Variants in GTPBP6 observed in about 807,000 individuals in gnomAD.
GTPBP6 encodes the protein putative GTP-binding protein 6.
GTPBP6 carries 33 observed loss-of-function variants against 28.9 expected under a neutral mutation model. The ratio of observed to expected loss-of-function variants is 1.14; its 90% CI spans 0.87 to 1.53. GTPBP6 has a LOEUF of 1.53. GTPBP6 is among the 40% of genes most tolerant of loss of function. The pLI is 0.00. For synonymous variants in GTPBP6, 231 were observed against 192.7 expected, an observed-to-expected ratio of 1.20 and a Z score of -1.65; for missense variants, 507 against 408.3, an observed-to-expected ratio of 1.24 and a Z score of -2.08.
In GTPBP6 at chrX:316,264, C is replaced by CAG. The variant is rs2070438005; in HGVS notation, c.487+648_487+649dup. Among the ~76,000 whole-genome samples the CAG allele has an allele frequency of 3.2e-5, 2 of 63,216 alleles. 1 individual carries two copies. The highest frequency in any genetic ancestry group is 7.0e-5 in the Non-Finnish European group (2 of 28,604). The allele number at this position is 63,216 out of a possible 152,430, so 41.5% of individuals were successfully genotyped here. On this transcript the variant is annotated intron_variant, in intron 2 of 9. Transcript: ENST00000326153. ...ACACATACACACGCAGACACACACACAGACACACACACAGTAAATACATCC... is the reference window on the plus strand; with the variant it reads ...ACACATACACACGCAGACACACACACAGAGACACACACACAGTAAATACATCC...
At chrX:316,660 C>G (rs1223229876) in intron 2 of GTPBP6, among the ~76,000 whole-genome samples, 109 of 152,266 alleles carry the variant, frequency 7.2e-4, no homozygotes, top group African/African-American at 2.5e-3. Context: ...TTGTTGGACT[C>G]TATAAACTGC....
chrX:312,514 G>C (rs1278584711), intron 6 of GTPBP6: 3 of 687,540 alleles, frequency 4.4e-6, no homozygotes, highest in Admixed American at 2.0e-5. Context: ...GGGAGGATGG[G>C]GTAGATGACA....
chrX:311,667 G>A, intron 6 of GTPBP6, 40 bp from the exon 7 acceptor site: 1 of 1,495,646 alleles, frequency 6.7e-7, no homozygotes, highest in Non-Finnish European at 9.3e-7. Flanking sequence ...AGAGATCCCT[G>A]CGTCCCAACT....
rs1189008298 is a variant in GTPBP6, at chrX:311,683, C to T, written c.917-56G>A. ...GAGATCCCTGCGTCCCAACTCCTAG[C>T]GCCGCAGCCAGGCCCTCCAAATGGA... On this transcript the variant is annotated intron_variant, in intron 6 of 9. Transcript: ENST00000326153. 43 of 1,405,990 alleles carry T rather than the reference C, an allele frequency of 3.1e-5. 1 individual carries two copies. The highest frequency in any genetic ancestry group is 2.5e-4 in the Middle Eastern group (1 of 4,074). The allele number at this position is 1,405,990 out of a possible 1,614,324, so 87.1% of individuals were successfully genotyped here.
In GTPBP6 at chrX:307,712, G is replaced by C. The variant is rs762165711; in HGVS notation, c.1274+20C>G. 7.5e-6 allele frequency: 11 copies of C among 1,463,772 alleles called. No individual in the cohort carries two copies. The highest frequency in any genetic ancestry group is 1.4e-5 in the South Asian group (1 of 69,888). The allele number at this position is 1,463,772 out of a possible 1,614,324, so 90.7% of individuals were successfully genotyped here. On this transcript the variant is annotated intron_variant, in intron 8 of 9. Transcript: ENST00000326153. Reference sequence around the variant, plus strand: ...CGTGCAGGGGAAGGAGACGCTTGCGGACCCCAGGGCCGGACTCACCCGGGC... The same window carrying C: ...CGTGCAGGGGAAGGAGACGCTTGCGCACCCCAGGGCCGGACTCACCCGGGC...
At chrX:312,608 C>T (rs1159458827) in intron 6 of GTPBP6, 158 bp downstream of exon 6, 9 of 780,132 alleles carry the variant, frequency 1.2e-5, no homozygotes, top group East Asian at 5.3e-5. Context: ...TGGTGTACCC[C>T]ACACGGCGAC....
chrX:314,473 C>G (rs866084910), intron 4 of GTPBP6, among the ~76,000 whole-genome samples: 6 of 150,078 alleles, frequency 4.0e-5, no homozygotes, highest in Non-Finnish European at 8.9e-5. Context: ...CGGTGCTTTT[C>G]TTCTTTTTTT....
intron 7 of GTPBP6, among the ~76,000 whole-genome samples, chrX:310,792 G>A: frequency 6.6e-6 from 1 of 151,946 alleles, no homozygotes; most frequent in Non-Finnish European, 1.5e-5. Flanking sequence ...GCTGGTTCCT[G>A]TGGTTTCTGG....
At chrX:314,343 C>T (rs978419271) in intron 4 of GTPBP6, 126 bp from the exon 5 acceptor site, 20 of 785,154 alleles carry the variant, frequency 2.5e-5, no homozygotes, top group African/African-American at 1.2e-4. Context: ...GCTGTTGCGG[C>T]CCCGCTCCGC....
At chrX:313,809 C>A (rs2070365643) in intron 5 of GTPBP6, among the ~76,000 whole-genome samples, 1 of 152,134 alleles carries the variant, frequency 6.6e-6, no homozygotes, top group Non-Finnish European at 1.5e-5. Flanking sequence ...GGAGCGCAGC[C>A]CTGTCCTCAC....
chrX:318,756 C>G (rs1421615356), exon 1 of GTPBP6: 47 of 318,424 alleles, frequency 1.5e-4, no homozygotes, highest in Non-Finnish European at 1.6e-4. Flanking sequence ...GAGCCGCAGC[C>G]CCGGGCGTAC....
At position 307,451 on chromosome X, in the gene GTPBP6, C is replaced by A; in HGVS notation, c.1336G>T (p.Glu446Ter). 1 of 1,612,166 alleles carries A rather than the reference C, an allele frequency of 6.2e-7. No individual in the cohort carries two copies. Among genetic ancestry groups the A allele is most frequent in the African/African-American group, 1.3e-5 (1 of 75,038 alleles). The change falls in exon 9 of 10, where the codon GAG becomes TAG. Residue 446 changes from glutamate to a stop codon, truncating the protein, a stop_gained. Coordinates refer to ENST00000326153, the Ensembl canonical transcript of GTPBP6. LOFTEE classifies it high-confidence loss of function. ...GCCGCATCGAGCTCAGCTTTCAGCTCCTGGAGCCCGTGGCCCCGCAGGGCA... is the reference window on the plus strand; with the variant it reads ...GCCGCATCGAGCTCAGCTTTCAGCTACTGGAGCCCGTGGCCCCGCAGGGCA...
In GTPBP6 at chrX:304,920, G is replaced by A. The variant is rs762353688; in HGVS notation, c.*154C>T. 1.6e-4 allele frequency: 237 copies of A among 1,460,336 alleles called. No individual in the cohort carries two copies. In the African/African-American group the frequency reaches 3.1e-3, roughly 19 times the overall value. The allele number at this position is 1,460,336 out of a possible 1,614,324, so 90.5% of individuals were successfully genotyped here. On this transcript the variant is annotated 3_prime_UTR_variant, in exon 10 of 10. Coordinates refer to ENST00000326153, the Ensembl canonical transcript of GTPBP6. ...TGCGGCCGTGTCACCGGCCTGCACGGTCATCCCAGCAAATGGCTGGGAGCG... is the reference window on the plus strand; with the variant it reads ...TGCGGCCGTGTCACCGGCCTGCACGATCATCCCAGCAAATGGCTGGGAGCG...
intron 5 of GTPBP6, 25 bp downstream of exon 5, chrX:314,125 G>T (rs371799465): frequency 2.5e-6 from 4 of 1,590,548 alleles, no homozygotes; most frequent in Non-Finnish European, 3.4e-6. Context: ...GGACCCTCTG[G>T]GACGCCGCGC....
intron 7 of GTPBP6, among the ~76,000 whole-genome samples, chrX:309,635 T>C (rs4131393): frequency 0.44 from 67,108 of 151,410 alleles, 15,872 homozygotes; most frequent in African/African-American, 0.58. Context: ...CACGTGGAGA[T>C]GGAGGCAGAG....
chrX:306,348 G>A (rs1308467379), intron 9 of GTPBP6, among the ~76,000 whole-genome samples: 1 of 151,376 alleles, frequency 6.6e-6, no homozygotes, highest in East Asian at 2.0e-4. Context: ...GGCACCTGTT[G>A]TATGCACAGA....
chrX:305,319 CTTTTG>C (rs1157725620), intron 9 of GTPBP6, 122 bp from the exon 10 acceptor site: 5 of 735,380 alleles, frequency 6.8e-6, no homozygotes, highest in Admixed American at 2.8e-5. Flanking sequence ...GTCCTGTTTC[CTTTTG>C]TTTTTTTTTT....
chrX:315,492 A>C (rs2070413068), intron 2 of GTPBP6, among the ~76,000 whole-genome samples, 193 bp from the exon 3 acceptor site: 1 of 141,854 alleles, frequency 7.0e-6, no homozygotes, highest in Admixed American at 7.2e-5. Flanking sequence ...GTGTGTCTCA[A>C]AGACATAGAC....
chrX:308,935 C>T (rs142066256), intron 7 of GTPBP6, among the ~76,000 whole-genome samples: 106 of 151,948 alleles, frequency 7.0e-4, no homozygotes, highest in African/African-American at 2.4e-3. Context: ...CGGGATTTCG[C>T]CGTGGTCTCG....
Sources: allele counts gnomAD v4.1 joint callset (sites outside exome capture counted in the v4.1 genomes callset), GRCh38; gene constraint gnomAD v4.1.1; transcripts MANE v1.5; gene names NCBI Gene and HGNC (gene_info 2026-07-23, HGNC 2026-07-21).